NBAS: variants seen among roughly 807,000 people sequenced by gnomAD.
The protein encoded by NBAS is NAG/BC035112 fusion.
In NBAS, 219 loss-of-function variants were observed where a neutral mutation model predicts 302.5. The observed-to-expected ratio is 0.72, with a 90% CI of 0.65 to 0.81. The LOEUF (loss-of-function observed/expected upper bound fraction) is 0.81, where lower values mean the gene tolerates loss of function less well. Ranked by LOEUF, NBAS falls within the 30% of genes least tolerant of loss-of-function variation. NBAS has a pLI of 0.00. For missense variants in NBAS, 2,932 were observed against 2,841.6 expected, an observed-to-expected ratio of 1.03 and a Z score of -0.72; for synonymous variants, 1,118 against 1,021.6, an observed-to-expected ratio of 1.09 and a Z score of -1.80.
chr2:15,256,069 T>C (rs1668577551), intron 44 of NBAS, among the ~76,000 whole-genome samples: 1 of 152,156 alleles, frequency 6.6e-6, no homozygotes, highest in Non-Finnish European at 1.5e-5. Context: ...ATTTTAGGAT[T>C]TTTTTTCTAG....
chr2:14,796,715 C>T, the NBAS span, among the ~76,000 whole-genome samples: 1 of 151,954 alleles, frequency 6.6e-6, no homozygotes, highest in Non-Finnish European at 1.5e-5. Context: ...AGATGAAGTC[C>T]ACAACCTGAG....
the NBAS span, among the ~76,000 whole-genome samples, chr2:15,054,342 G>A: frequency 6.6e-6 from 1 of 152,228 alleles, no homozygotes; most frequent in East Asian, 1.9e-4. Flanking sequence ...AGAGGGAGTA[G>A]ACTTGAGTTT....
chr2:15,209,407 T>C (rs190855460), intron 48 of NBAS, among the ~76,000 whole-genome samples: 5 of 151,788 alleles, frequency 3.3e-5, no homozygotes, highest in Middle Eastern at 3.4e-3. Flanking sequence ...TTCCAAACAA[T>C]AGAGGAGGAG....
chr2:15,501,027 C>A (rs1384818882), intron 11 of NBAS, among the ~76,000 whole-genome samples: 2 of 143,828 alleles, frequency 1.4e-5, no homozygotes, highest in Non-Finnish European at 3.1e-5. Flanking sequence ...ACTGGCCAGG[C>A]ATGGTGGCTC....
At chr2:14,885,287 T>C in the NBAS span, among the ~76,000 whole-genome samples, 1 of 152,128 alleles carries the variant, frequency 6.6e-6, no homozygotes, top group African/African-American at 2.4e-5. Flanking sequence ...GTTTGAGATA[T>C]ATATTTTAAA....
At chr2:15,331,539 G>A (rs1395568282) in intron 35 of NBAS, among the ~76,000 whole-genome samples, 1 of 152,074 alleles carries the variant, frequency 6.6e-6, no homozygotes, top group East Asian at 1.9e-4. Flanking sequence ...AAAACCTTAA[G>A]GCTTAGTTTA....
chr2:15,067,204 G>T, the NBAS span, among the ~76,000 whole-genome samples: 1 of 150,452 alleles, frequency 6.6e-6, no homozygotes, highest in Admixed American at 6.6e-5. Context: ...AATTAGCCAG[G>T]TGTGGTGGTG....
intron 12 of NBAS, among the ~76,000 whole-genome samples, chr2:15,488,239 C>T (rs904858597): frequency 9.2e-5 from 14 of 152,280 alleles, no homozygotes; most frequent in African/African-American, 3.4e-4. Flanking sequence ...ATTTATAATA[C>T]AAGCTATTTC....
At chr2:14,792,347 C>T in the NBAS span, among the ~76,000 whole-genome samples, 1 of 152,162 alleles carries the variant, frequency 6.6e-6, no homozygotes, top group African/African-American at 2.4e-5. Flanking sequence ...GCTCAGGACA[C>T]TTATAGTGGT....
At chr2:15,286,075 C>T (rs576619596) in intron 42 of NBAS, among the ~76,000 whole-genome samples, 19 of 152,284 alleles carry the variant, frequency 1.2e-4, no homozygotes, top group Non-Finnish European at 2.5e-4. Flanking sequence ...AGGGATGCTT[C>T]GCGACACCTC....
chr2:14,816,544 A>G, the NBAS span, among the ~76,000 whole-genome samples: 1 of 152,294 alleles, frequency 6.6e-6, no homozygotes, highest in Admixed American at 6.5e-5. Context: ...TGAACCTTGT[A>G]CTTTACTCTT....
chr2:14,800,785 G>GTTTTTTTTTTTTTTTT, the NBAS span, among the ~76,000 whole-genome samples: 3 of 129,526 alleles, frequency 2.3e-5, no homozygotes, highest in African/African-American at 3.2e-5. Context: ...GATTTAAATT[G>GTTTTTTTTTTTTTTTT]TTTTTGTTTT....
chr2:14,989,094 T>C, the NBAS span, among the ~76,000 whole-genome samples: 1 of 152,264 alleles, frequency 6.6e-6, no homozygotes, highest in African/African-American at 2.4e-5. Flanking sequence ...AAAGAATCAT[T>C]GTAAATACCA....
intron 50 of NBAS, chr2:15,180,503 G>T (rs866012205): frequency 6.6e-6 from 1 of 152,296 alleles, no homozygotes; most frequent in Non-Finnish European, 1.5e-5. Context: ...ACCTGCAGAA[G>T]ATTATTTGGG....
At chr2:15,098,692 A>G in the NBAS span, among the ~76,000 whole-genome samples, 1 of 138,448 alleles carries the variant, frequency 7.2e-6, no homozygotes, top group East Asian at 2.0e-4. Context: ...TATATATTGT[A>G]TATAATATAT....
the NBAS span, among the ~76,000 whole-genome samples, chr2:15,074,960 T>C: frequency 6.6e-6 from 1 of 152,168 alleles, no homozygotes; most frequent in Non-Finnish European, 1.5e-5. Context: ...CCAGTGTTGG[T>C]TGAGGGGATA....
At chr2:14,841,591 C>A in the NBAS span, among the ~76,000 whole-genome samples, 3 of 151,032 alleles carry the variant, frequency 2.0e-5, no homozygotes, top group African/African-American at 7.3e-5. Flanking sequence ...TAAAAAAGGT[C>A]ATTATATGAT....
chr2:15,492,147 C>T (rs1291838005), intron 11 of NBAS, among the ~76,000 whole-genome samples: 5 of 152,194 alleles, frequency 3.3e-5, no homozygotes, highest in Non-Finnish European at 7.3e-5. Context: ...TAAATATCCA[C>T]ATACCCAACC....
chr2:15,084,966 C>G, the NBAS span, among the ~76,000 whole-genome samples: 1 of 152,246 alleles, frequency 6.6e-6, no homozygotes, highest in Non-Finnish European at 1.5e-5. Context: ...TCTGGAGTGG[C>G]CGCTGTCATC....
Sources: allele counts gnomAD v4.1 joint callset (sites outside exome capture counted in the v4.1 genomes callset), GRCh38; gene constraint gnomAD v4.1.1; transcripts MANE v1.5; gene names NCBI Gene and HGNC (gene_info 2026-07-23, HGNC 2026-07-21).